TSPAN15: variants seen among roughly 807,000 people sequenced by gnomAD.
The protein encoded by TSPAN15 is tetraspanin-15.
Under a neutral mutation model 34.5 loss-of-function variants are expected in TSPAN15, and 20 were observed. That is an observed-to-expected ratio of 0.58 (90% CI 0.41 to 0.84). TSPAN15 has a LOEUF of 0.84. Among genes scored for constraint, TSPAN15 ranks in the 40% least tolerant of loss-of-function variants. The pLI, the probability that TSPAN15 is intolerant of heterozygous loss-of-function variation, is 0.00. For missense variants in TSPAN15, 313 were observed against 386.1 expected (o/e 0.81, Z 1.59); for synonymous variants, 155 against 153.9 (o/e 1.01, Z -0.05).
At chr10:69,461,921 C>T (rs1841268177) in intron 1 of TSPAN15, among the ~76,000 whole-genome samples, 1 of 147,116 alleles carries the variant, frequency 6.8e-6, no homozygotes, top group South Asian at 2.2e-4. Context: ...ACCCCCCCGC[C>T]ACCACCCCCC....
chr10:69,472,294 C>T (rs974496753), intron 1 of TSPAN15, among the ~76,000 whole-genome samples: 2 of 152,144 alleles, frequency 1.3e-5, no homozygotes, highest in African/African-American at 4.8e-5. Flanking sequence ...TATTGTCCAC[C>T]TTAGGAATTC....
the TSPAN15 span, among the ~76,000 whole-genome samples, chr10:69,541,936 C>T: frequency 1.3e-5 from 2 of 152,218 alleles, no homozygotes; most frequent in South Asian, 2.1e-4. Flanking sequence ...AGACATTTTC[C>T]CCATTGTCTT....
chr10:69,467,850 C>T (rs552266133), intron 1 of TSPAN15, among the ~76,000 whole-genome samples: 2 of 151,850 alleles, frequency 1.3e-5, no homozygotes, highest in African/African-American at 4.8e-5. Flanking sequence ...CAGGACCCAG[C>T]ATCACAGTTT....
the TSPAN15 span, among the ~76,000 whole-genome samples, chr10:69,530,779 A>ACTCTCTCTCTCTCTCT: frequency 4.0e-5 from 2 of 50,034 alleles, no homozygotes; most frequent in African/African-American, 6.8e-5. Context: ...ACAGAGTGAG[A>ACTCTCTCTCTCTCTCT]CTCTCTCTCT....
chr10:69,483,889 C>T lies in TSPAN15; in HGVS notation c.282+13C>T. On this transcript the variant is annotated intron_variant, in intron 2 of 7. Coordinates refer to ENST00000373290, the MANE Select transcript of TSPAN15 (RefSeq NM_012339.5). ...CCTTCTCCAAGCAGTGAGTGGACCA[C>T]ACCACCCCTCAGCCGGGACTCCCCA... 1.2e-6 allele frequency: 2 copies of T among 1,608,834 alleles called. No homozygotes were observed. Among genetic ancestry groups the T allele is most frequent in the Non-Finnish European group, 8.5e-7 (1 of 1,176,852 alleles).
the TSPAN15 span, among the ~76,000 whole-genome samples, chr10:69,545,981 CAAAAAACAAACAAACAAACA>C: frequency 6.6e-6 from 1 of 151,186 alleles, no homozygotes; most frequent in African/African-American, 2.4e-5. Flanking sequence ...CAAAACAAAG[CAAAAAACAAACAAACAAACA>C]AAAAAACCAA....
chr10:69,499,088 A>G (rs1842149277), intron 5 of TSPAN15, among the ~76,000 whole-genome samples: 1 of 152,076 alleles, frequency 6.6e-6, no homozygotes. Context: ...GTCATTTGGG[A>G]TGATGTCTTG....
the TSPAN15 span, among the ~76,000 whole-genome samples, chr10:69,516,290 A>G: frequency 6.6e-6 from 1 of 152,228 alleles, no homozygotes; most frequent in Non-Finnish European, 1.5e-5. Context: ...TTCAAGTCAT[A>G]CAGTTAGTGG....
At chr10:69,519,840 C>T in the TSPAN15 span, among the ~76,000 whole-genome samples, 2 of 152,116 alleles carry the variant, frequency 1.3e-5, no homozygotes, top group Admixed American at 1.3e-4. Flanking sequence ...TCAATCAATT[C>T]TCCTGCCTCA....
At chr10:69,508,468 A>AAAAAAAAAAG (rs1554835861), downstream of TSPAN15, among the ~76,000 whole-genome samples, 470 of 138,820 alleles carry the variant, frequency 3.4e-3, 4 homozygotes, top group Non-Finnish European at 5.8e-3. Flanking sequence ...AAAAAAAAAA[A>AAAAAAAAAAG]AAGAAGAAGA....
At chr10:69,487,039 T>C (rs937499279) in intron 3 of TSPAN15, among the ~76,000 whole-genome samples, 3 of 151,722 alleles carry the variant, frequency 2.0e-5, no homozygotes, top group African/African-American at 7.3e-5. Context: ...GGGCTGCCTT[T>C]CTGTGCAGCC....
At position 69,455,630 on chromosome 10, in the gene TSPAN15, C is replaced by T. The variant is rs527763641; in HGVS notation, c.96+3940C>T. ...TTTCTCTCTCTCTCTCTCTCTCCCC[C>T]CCCCGTCTCTTTCTTTCTTCCTTTC... On this transcript the variant is annotated intron_variant, in intron 1 of 7. Coordinates refer to ENST00000373290, the MANE Select transcript of TSPAN15 (RefSeq NM_012339.5). Among the ~76,000 whole-genome samples, 31 of 114,908 alleles carry T rather than the reference C, an allele frequency of 2.7e-4. 1 individual carries two copies. Among genetic ancestry groups the T allele is most frequent in the South Asian group, 1.1e-3 (4 of 3,522 alleles). The allele number at this position is 114,908 out of a possible 152,430, so 75.4% of individuals were successfully genotyped here.
chr10:69,509,299 G>A (rs989907916), downstream of TSPAN15, among the ~76,000 whole-genome samples: 1 of 152,168 alleles, frequency 6.6e-6, no homozygotes, highest in African/African-American at 2.4e-5. Context: ...AGATGGCTAA[G>A]CTCCAGCAGA....
the TSPAN15 span, among the ~76,000 whole-genome samples, chr10:69,525,027 G>A: frequency 6.8e-6 from 1 of 147,472 alleles, no homozygotes; most frequent in African/African-American, 2.5e-5. Flanking sequence ...GCAATCCGCC[G>A]GCCTCAGCCT....
intron 1 of TSPAN15, among the ~76,000 whole-genome samples, chr10:69,461,769 G>A (rs1020313204): frequency 6.6e-6 from 1 of 152,042 alleles, no homozygotes; most frequent in Admixed American, 6.5e-5. Context: ...GGGTTGGGGT[G>A]CTGGCTGCCG....
chr10:69,512,490 G>T (rs1842424897), downstream of TSPAN15, among the ~76,000 whole-genome samples: 1 of 152,188 alleles, frequency 6.6e-6, no homozygotes, highest in South Asian at 2.1e-4. Context: ...ACTGACAAAT[G>T]TGTCAGTGAA....
chr10:69,531,950 A>AT, the TSPAN15 span, among the ~76,000 whole-genome samples: 1 of 115,890 alleles, frequency 8.6e-6, no homozygotes, highest in South Asian at 2.5e-4. Context: ...CAAAAAAAAA[A>AT]CAAAAAAAAA....
intron 1 of TSPAN15, among the ~76,000 whole-genome samples, chr10:69,455,204 T>A (rs971539980): frequency 2.0e-5 from 3 of 149,252 alleles, no homozygotes; most frequent in Non-Finnish European, 3.0e-5. Context: ...CCTCCCCTCC[T>A]ACCCCTCTCT....
downstream of TSPAN15, chr10:69,507,813 G>C (rs1385844577): frequency 5.9e-6 from 3 of 511,972 alleles, no homozygotes; most frequent in Non-Finnish European, 9.2e-6. Context: ...TGGGGGGTTG[G>C]GGGGAAAGCC....
Sources: allele counts gnomAD v4.1 joint callset (sites outside exome capture counted in the v4.1 genomes callset), GRCh38; gene constraint gnomAD v4.1.1; transcripts MANE v1.5; gene names NCBI Gene and HGNC (gene_info 2026-07-23, HGNC 2026-07-21).